The following PACS2 variants were observed in gnomAD, a reference collection of about 807,000 sequenced individuals.
PACS2 encodes the protein phosphofurin acidic cluster sorting protein 2.
A neutral mutation model predicts 113.0 loss-of-function variants in PACS2; 36 were observed. The observed-to-expected ratio is 0.32, with a 90% CI of 0.24 to 0.42. The LOEUF (loss-of-function observed/expected upper bound fraction) is 0.42, where lower values mean the gene tolerates loss of function less well. Among genes scored for constraint, PACS2 ranks in the 10% least tolerant of loss-of-function variants. The pLI is 1.00. For synonymous variants in PACS2, 589 were observed against 536.1 expected (o/e 1.10, Z -1.36); for missense variants, 1,015 against 1,239.5 (o/e 0.82, Z 2.72).
At chr14:105,373,978 C>T (rs1486427312) in intron 8 of PACS2, among the ~76,000 whole-genome samples, 2 of 151,760 alleles carry the variant, frequency 1.3e-5, no homozygotes, top group Admixed American at 1.3e-4. Context: ...ATAGTGAAAT[C>T]CCGTCTCTAC....
rs781827237 is a variant in PACS2 at position 105,393,224 on chromosome 14, A to T, written c.2485A>T (p.Met829Leu). 1.2e-6 allele frequency: 2 copies of T among 1,610,834 alleles called. No homozygotes were observed. Among genetic ancestry groups the T allele is most frequent in the Non-Finnish European group, 1.7e-6 (2 of 1,178,058 alleles). ...CAGGGCCTCTTTTCTCCTCCCAGTGATGTTTCTGCCCAAGAAAGCGAAGGA... is the reference window on the plus strand; with the variant it reads ...CAGGGCCTCTTTTCTCCTCCCAGTGTTGTTTCTGCCCAAGAAAGCGAAGGA... ...VVTKEKNKKV[M>L]FLPKKAKDKD... The change falls in exon 24 of 25, where the codon ATG becomes TTG. Residue 829 changes from methionine (M) to leucine (L), a missense_variant and splice_region_variant. Coordinates refer to ENST00000447393, the MANE Select transcript of PACS2 (RefSeq NM_001100913.3).
rs199865327 is a variant in PACS2, at chr14:105,384,507, A to G, written c.1891+44A>G. The G allele has an allele frequency of 2.6e-4, 342 of 1,327,796 alleles. 2 individuals carry two copies. In the East Asian group the frequency reaches 5.2e-3, roughly 20 times the overall value. The allele number at this position is 1,327,796 out of a possible 1,614,324, so 82.3% of individuals were successfully genotyped here. ...CACAGCCCACGCCACGGCGGGAGGA[A>G]GGGGCCCCGGTTTCCCCAGATGCTG... On this transcript the variant is annotated intron_variant, in intron 17 of 24. Transcript: ENST00000447393.
rs1411047530 is a variant in PACS2 at position 105,355,407 on chromosome 14, C to T, written c.423+230C>T. ...CCTAGCATGGCTCCCCGCATGCCTG[C>T]AGCCGCGCGCACTCCCCTCTAACGA... On this transcript the variant is annotated intron_variant, in intron 4 of 24. Transcript: ENST00000447393. This position sits in a 1 kb window ranked among gnomAD's most constrained non-coding sequence, Gnocchi z 4.1. Among the ~76,000 whole-genome samples the T allele has an allele frequency of 6.6e-6, 1 of 152,264 alleles. No homozygotes were observed. Among genetic ancestry groups the T allele is most frequent in the Admixed American group, 6.5e-5 (1 of 15,294 alleles).
chr14:105,351,504 C>T (rs1258943147), intron 2 of PACS2, among the ~76,000 whole-genome samples: 1 of 152,136 alleles, frequency 6.6e-6, no homozygotes, highest in Non-Finnish European at 1.5e-5. Flanking sequence ...GTATGTTTTA[C>T]TTTCTGAGAG....
Position 105,348,681 on chromosome 14 carries a change from A to T in PACS2, c.207+101A>T, listed in dbSNP as rs1422887034. On this transcript the variant is annotated intron_variant, in intron 2 of 24. Transcript: ENST00000447393. The surrounding 1 kb of genome is among the most constrained non-coding windows in gnomAD (Gnocchi z 6.4). ...GTGCGCTACTGTGGGGCCTTGTGCC[A>T]AAACAGCGGGCAGCCCATGCCATCT... 1 of 884,250 alleles carries T rather than the reference A, an allele frequency of 1.1e-6. No individual in the cohort carries two copies. Among genetic ancestry groups the T allele is most frequent in the Admixed American group, 1.9e-5 (1 of 51,774 alleles). 54.8% of individuals were successfully genotyped at this position (884,250 alleles called of 1,614,324 possible). A position where few individuals can be genotyped will look rare whatever the true frequency, so the allele number is the denominator to read the frequency against.
chr14:105,355,351 G>A lies in PACS2; in HGVS notation c.423+174G>A, dbSNP rs587682503. Among the ~76,000 whole-genome samples the A allele has an allele frequency of 2.6e-4, 40 of 152,368 alleles. No homozygotes were observed. The highest frequency in any genetic ancestry group is 9.4e-4 in the African/African-American group (39 of 41,594). On this transcript the variant is annotated intron_variant, in intron 4 of 24. Transcript: ENST00000447393. This position sits in a 1 kb window ranked among gnomAD's most constrained non-coding sequence, Gnocchi z 4.1. ...CCATAAGGGCCAGGTGCGGCCCCAG[G>A]TGGTGCTTCCTCTCTGACCTTCCCT...
At chr14:105,343,067 C>A (rs1737772932) in intron 1 of PACS2, among the ~76,000 whole-genome samples, 1 of 152,158 alleles carries the variant, frequency 6.6e-6, no homozygotes, top group Admixed American at 6.5e-5. Flanking sequence ...CCAAAACAGT[C>A]CCCAGCAGCC....
At position 105,369,895 on chromosome 14, in the gene PACS2, G is replaced by A. The variant is rs2061086525; in HGVS notation, c.796G>A (p.Asp266Asn). ...VALLRRFKVS[D>N]EVLDSEQDPA... Reference sequence around the variant, plus strand: ...GCTGCTGCGGAGGTTCAAAGTGTCCGACGAGGTGAGTGCGCCGCGCCTTCT... The same window carrying A: ...GCTGCTGCGGAGGTTCAAAGTGTCCAACGAGGTGAGTGCGCCGCGCCTTCT... The change falls in exon 8 of 25, where the codon GAC becomes AAC. Residue 266 changes from aspartate (D) to asparagine (N), a missense_variant. Asp to Asn is a conservative substitution (Grantham distance 23, BLOSUM62 1). Around this residue, in one of 3 missense-constraint regions of PACS2, gnomAD observed 859 missense variants for 1,056.8 expected, o/e 0.81. Coordinates refer to ENST00000447393, the MANE Select transcript of PACS2 (RefSeq NM_001100913.3). 3.7e-6 allele frequency: 6 copies of A among 1,602,170 alleles called. No individual in the cohort carries two copies. The highest frequency in any genetic ancestry group is 5.1e-6 in the Non-Finnish European group (6 of 1,177,856).
chr14:105,314,794 C>G lies in PACS2; in HGVS notation c.-125C>G, dbSNP rs1354323291. 1 of 223,954 alleles carries G rather than the reference C, an allele frequency of 4.5e-6. No individual in the cohort carries two copies. The highest frequency in any genetic ancestry group is 7.3e-6 in the Non-Finnish European group (1 of 137,620). The allele number at this position is 223,954 out of a possible 1,614,324, so 13.9% of individuals were successfully genotyped here. ...GCCTGTCCGACGCCGGGGCCCGGCCCGTCCCCTCCGCCGCCCGGCAGCCAT... is the reference window on the plus strand; with the variant it reads ...GCCTGTCCGACGCCGGGGCCCGGCCGGTCCCCTCCGCCGCCCGGCAGCCAT... On this transcript the variant is annotated 5_prime_UTR_variant, in exon 1 of 25. Transcript: ENST00000447393.
At chr14:105,314,272 CA>C (rs1277018593), upstream of PACS2, 3 of 145,268 alleles carry the variant, frequency 2.1e-5, no homozygotes, top group Non-Finnish European at 4.6e-5. Context: ...GCGGCGAGGG[CA>C]GGGGGGCGGG....
In PACS2 at chr14:105,323,983, C is replaced by T. The variant is rs1219949821; in HGVS notation, c.119+8946C>T. On this transcript the variant is annotated intron_variant, in intron 1 of 24. Transcript: ENST00000447393. This position sits in a 1 kb window ranked among gnomAD's most constrained non-coding sequence, Gnocchi z 4.1. ...TTTCAAGATGCCTGGAAACCTCTGG[C>T]AGCTCTGTCCTGCTGTCAACACTGG... 6.6e-6 allele frequency among the ~76,000 whole-genome samples: 1 copy of T among 152,256 alleles called. No homozygotes were observed. The highest frequency in any genetic ancestry group is 1.5e-5 in the Non-Finnish European group (1 of 68,046).
At chr14:105,327,787 G>A (rs1039656464) in intron 1 of PACS2, among the ~76,000 whole-genome samples, 1 of 152,198 alleles carries the variant, frequency 6.6e-6, no homozygotes, top group Non-Finnish European at 1.5e-5. Flanking sequence ...ATTGACAGCC[G>A]AGCCTTGACT....
At chr14:105,368,857 A>G (rs2141154427) in intron 7 of PACS2, among the ~76,000 whole-genome samples, 1 of 152,356 alleles carries the variant, frequency 6.6e-6, no homozygotes, top group Middle Eastern at 3.4e-3. Context: ...TTGTCCCGTC[A>G]GGTGCCCACA....
intron 1 of PACS2, among the ~76,000 whole-genome samples, chr14:105,302,492 C>G (rs776354170): frequency 6.7e-6 from 1 of 148,314 alleles, no homozygotes; most frequent in Non-Finnish European, 1.5e-5. Flanking sequence ...CATGAGCCAC[C>G]GTGCATGGCC....
intron 19 of PACS2, 118 bp from the exon 20 acceptor site, chr14:105,389,843 C>A: frequency 1.1e-6 from 1 of 896,136 alleles, no homozygotes; most frequent in South Asian, 1.4e-5. Context: ...CCGGCAGGGC[C>A]ATCCGGCAGG....
At position 105,369,849 on chromosome 14, in the gene PACS2, C is replaced by T; in HGVS notation, c.750C>T (p.Asn250=). 6.2e-7 allele frequency: 1 copy of T among 1,600,050 alleles called. No individual in the cohort carries two copies. Residue 250 remains asparagine (N), a synonymous_variant, in exon 8 of 25, where the codon AAC becomes AAT. Coordinates refer to ENST00000447393, the MANE Select transcript of PACS2 (RefSeq NM_001100913.3). ...CACCGCCTGTCTTGCAGCAACAGAA[C>T]TTCAAGCAGAAAGTGGTAGCGCTGC... ...VRTTSMTRQQ[N]FKQKVVALLR... is the part of the protein sequence containing the mutation.
intron 1 of PACS2, among the ~76,000 whole-genome samples, chr14:105,331,937 T>C (rs2059318311): frequency 6.6e-6 from 1 of 152,250 alleles, no homozygotes; most frequent in African/African-American, 2.4e-5. Context: ...CCTCGGTACT[T>C]TGACGATTGT....
chr14:105,394,438 G>A lies in PACS2; in HGVS notation c.2597-116G>A. The A allele has an allele frequency of 2.0e-6, 3 of 1,524,060 alleles. No individual in the cohort carries two copies. In the South Asian group the frequency reaches 3.6e-5, roughly 19 times the overall value. 94.4% of individuals were successfully genotyped at this position (1,524,060 alleles called of 1,614,324 possible). On this transcript the variant is annotated intron_variant, in intron 24 of 24. Coordinates refer to ENST00000447393, the MANE Select transcript of PACS2 (RefSeq NM_001100913.3). ...AAGTGTTGATGCCCTCCAGCATGGG[G>A]CTCCTTCTCATCCTGTACGCCCGGC...
At chr14:105,306,296 G>T (rs1330307741) in intron 1 of PACS2, among the ~76,000 whole-genome samples, 2 of 151,788 alleles carry the variant, frequency 1.3e-5, no homozygotes, top group Non-Finnish European at 2.9e-5. Flanking sequence ...GGTTTGTTTT[G>T]TTTTGTTTTG....
Sources: allele counts gnomAD v4.1 joint callset (sites outside exome capture counted in the v4.1 genomes callset), GRCh38; gene constraint gnomAD v4.1.1; regional missense constraint gnomAD v4.1.1; non-coding constraint Gnocchi (gnomAD v3.1); transcripts MANE v1.5; gene names NCBI Gene and HGNC (gene_info 2026-07-23, HGNC 2026-07-21).